Variants in ATG4C observed in about 807,000 individuals in gnomAD.
The protein encoded by ATG4C is cysteine protease ATG4C.
Under a neutral mutation model 57.6 loss-of-function variants are expected in ATG4C, and 56 were observed. That is an observed-to-expected ratio of 0.97 (90% CI 0.78 to 1.21). The LOEUF (loss-of-function observed/expected upper bound fraction) is 1.21. Ranked by LOEUF, ATG4C falls within the 50% of genes most tolerant of loss-of-function variation. The pLI, the probability that ATG4C is intolerant of heterozygous loss-of-function variation, is 0.00. For synonymous variants in ATG4C, 157 were observed against 174.1 expected, an observed-to-expected ratio of 0.90 and a Z score of 0.78; for missense variants, 595 against 529.8, an observed-to-expected ratio of 1.12 and a Z score of -1.21.
At chr1:62,791,036 A>G (rs577285961) in intron 1 of ATG4C, among the ~76,000 whole-genome samples, 1 of 152,294 alleles carries the variant, frequency 6.6e-6, no homozygotes, top group South Asian at 2.1e-4. Flanking sequence ...TTTGAAGAAT[A>G]CTTGTTGTGA....
chr1:62,802,480 A>AT (rs954252410), intron 1 of ATG4C, among the ~76,000 whole-genome samples: 6 of 150,134 alleles, frequency 4.0e-5, no homozygotes, highest in Admixed American at 6.6e-5. Context: ...AAAAAAAAAA[A>AT]GAAATCCAAA....
At chr1:62,823,832 CTT>C (rs1304147178) in intron 6 of ATG4C, among the ~76,000 whole-genome samples, 3 of 152,032 alleles carry the variant, frequency 2.0e-5, no homozygotes, top group African/African-American at 7.2e-5. Context: ...TAGAATGCCT[CTT>C]GTTAGGTCTT....
At chr1:62,825,687 G>A (rs754450971) in intron 6 of ATG4C, among the ~76,000 whole-genome samples, 28 of 152,052 alleles carry the variant, frequency 1.8e-4, no homozygotes, top group African/African-American at 4.8e-4. Flanking sequence ...GCGTGTCCCT[G>A]TCTACTCAAC....
intron 10 of ATG4C, among the ~76,000 whole-genome samples, chr1:62,844,029 G>T (rs916846178): frequency 6.6e-6 from 1 of 152,130 alleles, no homozygotes; most frequent in African/African-American, 2.4e-5. Flanking sequence ...GAAAGAGAAG[G>T]TTACTTCAAG....
chr1:62,852,103 C>T (rs1183869701), intron 10 of ATG4C, among the ~76,000 whole-genome samples: 1 of 152,184 alleles, frequency 6.6e-6, no homozygotes, highest in Non-Finnish European at 1.5e-5. Flanking sequence ...CGTTCATTCT[C>T]CAGCTGGCCT....
chr1:62,800,147 C>T (rs1664609985), intron 1 of ATG4C, among the ~76,000 whole-genome samples: 1 of 152,176 alleles, frequency 6.6e-6, no homozygotes, highest in Non-Finnish European at 1.5e-5. Context: ...TTCTGGATGG[C>T]TGGTGATGAG....
At chr1:62,859,497 G>C (rs747481139) in intron 10 of ATG4C, among the ~76,000 whole-genome samples, 1 of 152,164 alleles carries the variant, frequency 6.6e-6, no homozygotes, top group Non-Finnish European at 1.5e-5. Flanking sequence ...TGGTGTACCT[G>C]TGTAGGGAAT....
intron 1 of ATG4C, among the ~76,000 whole-genome samples, chr1:62,797,447 A>G (rs1664511242): frequency 6.6e-6 from 1 of 152,126 alleles, no homozygotes; most frequent in Non-Finnish European, 1.5e-5. Flanking sequence ...TTTGAGAAAT[A>G]GTTATGTTAT....
chr1:62,834,201 A>G lies in ATG4C; in HGVS notation c.1012+85A>G. On this transcript the variant is annotated intron_variant, in intron 8 of 10. Transcript: ENST00000317868. ...TATGAGATCATCTGGAAACAGGATG[A>G]TTAACAGAGCAAAACGAGTACCTTA... is the stretch of plus-strand genomic sequence containing the variant. The G allele has an allele frequency of 5.4e-6, 7 of 1,288,434 alleles. No individual in the cohort carries two copies. In the South Asian group the frequency reaches 9.0e-5, roughly 16 times the overall value. The allele number at this position is 1,288,434 out of a possible 1,614,324, so 79.8% of individuals were successfully genotyped here. A position where few individuals can be genotyped will look rare whatever the true frequency, so the allele number is the denominator to read the frequency against.
intron 9 of ATG4C, among the ~76,000 whole-genome samples, chr1:62,837,999 CTG>C (rs1666048649): frequency 6.6e-6 from 1 of 152,166 alleles, no homozygotes; most frequent in Non-Finnish European, 1.5e-5. Flanking sequence ...TTCTAATTAA[CTG>C]TCTTAGGAAG....
chr1:62,789,036 G>A (rs1399205200), intron 1 of ATG4C, among the ~76,000 whole-genome samples: 2 of 152,046 alleles, frequency 1.3e-5, no homozygotes, highest in African/African-American at 4.8e-5. Context: ...TTTGTATTTA[G>A]TAATCTGTAG....
intron 10 of ATG4C, among the ~76,000 whole-genome samples, chr1:62,855,050 G>T (rs968916351): frequency 8.6e-5 from 13 of 151,686 alleles, no homozygotes; most frequent in Admixed American, 8.5e-4. Context: ...TGTGTATGGG[G>T]GATGGCTGGA....
At chr1:62,801,374 A>G (rs923414424) in intron 1 of ATG4C, among the ~76,000 whole-genome samples, 1 of 152,048 alleles carries the variant, frequency 6.6e-6, no homozygotes, top group African/African-American at 2.4e-5. Flanking sequence ...TCCCGAGAAT[A>G]TATCTAGAGT....
chr1:62,805,348 A>G, intron 3 of ATG4C, 93 bp downstream of exon 3: 1 of 1,345,306 alleles, frequency 7.4e-7, no homozygotes, highest in Non-Finnish European at 9.6e-7. Context: ...CTACTTTTGC[A>G]GTATTTCTTT....
At chr1:62,847,641 G>A (rs745453730) in intron 10 of ATG4C, among the ~76,000 whole-genome samples, 1 of 152,126 alleles carries the variant, frequency 6.6e-6, no homozygotes, top group African/African-American at 2.4e-5. Context: ...AATCATAATG[G>A]ACCTAATAGA....
intron 10 of ATG4C, among the ~76,000 whole-genome samples, chr1:62,859,234 A>G (rs1666773767): frequency 1.3e-5 from 2 of 152,206 alleles, no homozygotes; most frequent in South Asian, 4.1e-4. Context: ...TGGGATGCTG[A>G]ACCAGTAAGT....
rs79622400 is a variant in ATG4C, at chr1:62,834,297, A to G, written c.1012+181A>G. On this transcript the variant is annotated intron_variant, in intron 8 of 10. Coordinates refer to ENST00000317868, the MANE Select transcript of ATG4C (RefSeq NM_032852.4). ...ACAACATAATTAGATTCTGTAAAAT[A>G]TATGTTTAATTTCTGTTACTGCATA... 5.9e-5 allele frequency among the ~76,000 whole-genome samples: 9 copies of G among 152,206 alleles called. No individual in the cohort carries two copies. The East Asian group carries it at 1.7e-3, about 29-fold the overall frequency.
intron 3 of ATG4C, among the ~76,000 whole-genome samples, chr1:62,811,684 A>G (rs1283860577): frequency 6.6e-6 from 1 of 152,186 alleles, no homozygotes; most frequent in East Asian, 1.9e-4. Flanking sequence ...ATTTAGGGTT[A>G]TCTCTGATAT....
intron 7 of ATG4C, among the ~76,000 whole-genome samples, chr1:62,829,510 A>G (rs1665774125): frequency 6.6e-6 from 1 of 152,116 alleles, no homozygotes; most frequent in Admixed American, 6.6e-5. Flanking sequence ...TAAAACTAGC[A>G]TTAAACTACA....
Sources: gnomAD v4.1 joint callset for allele counts (sites outside exome capture counted in the v4.1 genomes callset) on GRCh38, gnomAD v4.1.1 for gene constraint, MANE v1.5 for transcripts, NCBI Gene and HGNC (gene_info 2026-07-23, HGNC 2026-07-21) for gene names.